IFT81: variants seen among roughly 807,000 people sequenced by gnomAD.
The protein encoded by IFT81 is intraflagellar transport 81.
Under a neutral mutation model 102.6 loss-of-function variants are expected in IFT81, and 72 were observed. That is an observed-to-expected ratio of 0.70 (90% CI 0.58 to 0.85). The LOEUF (loss-of-function observed/expected upper bound fraction) is 0.85. Among genes scored for constraint, IFT81 ranks in the 40% least tolerant of loss-of-function variants. The probability of loss-of-function intolerance (pLI) is 0.00; values close to 1 mark genes in which losing one functional copy is unlikely to be tolerated. For synonymous variants in IFT81, 237 were observed against 242.7 expected, an observed-to-expected ratio of 0.98 and a Z score of 0.22; for missense variants, 723 against 787.3, an observed-to-expected ratio of 0.92 and a Z score of 0.98.
rs113399140 is a variant in IFT81 at position 110,188,768 on chromosome 12, C to CAA, written c.1339-2138_1339-2137dup. Among the ~76,000 whole-genome samples, 15 of 123,160 alleles carry CAA rather than the reference C, an allele frequency of 1.2e-4. 1 individual carries two copies. The highest frequency in any genetic ancestry group is 3.4e-4 in the Admixed American group (4 of 11,910). 80.8% of individuals were successfully genotyped at this position (123,160 alleles called of 152,430 possible). A position where few individuals can be genotyped will look rare whatever the true frequency, so the allele number is the denominator to read the frequency against. ...TGAAACCCTATCTCTACTAAAAATA[C>CAA]AAAAAAAAAAAAAAATTAGGCATAG... On this transcript the variant is annotated intron_variant, in intron 12 of 18. Transcript: ENST00000242591.
chr12:110,143,774 G>A (rs1895036735), intron 9 of IFT81, among the ~76,000 whole-genome samples: 1 of 152,110 alleles, frequency 6.6e-6, no homozygotes. Context: ...AGCAAATGAA[G>A]TAACTTAAAT....
intron 8 of IFT81, among the ~76,000 whole-genome samples, chr12:110,139,466 G>C (rs989404023): frequency 1.3e-5 from 2 of 151,790 alleles, no homozygotes; most frequent in Admixed American, 1.3e-4. Flanking sequence ...CTTGAGCCCA[G>C]GAGTTTGAGA....
intron 11 of IFT81, among the ~76,000 whole-genome samples, chr12:110,163,481 T>C (rs1896258632): frequency 6.6e-6 from 1 of 152,198 alleles, no homozygotes; most frequent in African/African-American, 2.4e-5. Flanking sequence ...CCTTGGGTGA[T>C]CTGCCTGCCT....
chr12:110,149,039 G>A (rs1006227550), intron 10 of IFT81, among the ~76,000 whole-genome samples: 1 of 152,114 alleles, frequency 6.6e-6, no homozygotes, highest in Non-Finnish European at 1.5e-5. Flanking sequence ...TGCTCAAATT[G>A]TCCCAGTTTT....
chr12:110,196,405 A>G (rs1162400433), intron 14 of IFT81, among the ~76,000 whole-genome samples: 1 of 152,228 alleles, frequency 6.6e-6, no homozygotes, highest in Non-Finnish European at 1.5e-5. Context: ...CTGTAGTCCC[A>G]GCTACTCGGG....
chr12:110,203,253 G>A (rs1898391122), intron 14 of IFT81: 1 of 153,254 alleles, frequency 6.5e-6, no homozygotes, highest in African/African-American at 2.4e-5. Context: ...GCAGTAGAGT[G>A]AGACTCCGTC....
intron 4 of IFT81, among the ~76,000 whole-genome samples, chr12:110,129,461 GT>G (rs1894039548): frequency 6.6e-6 from 1 of 152,066 alleles, no homozygotes; most frequent in Admixed American, 6.6e-5. Flanking sequence ...TGACTACATA[GT>G]TTTTTATCCA....
At chr12:110,132,305 C>G (rs1012427795) in intron 4 of IFT81, among the ~76,000 whole-genome samples, 5 of 151,742 alleles carry the variant, frequency 3.3e-5, no homozygotes, top group African/African-American at 4.8e-5. Context: ...ACTAAAAATA[C>G]AAAAATTAGC....
At chr12:110,204,248 G>A (rs1429236050) in intron 15 of IFT81, 1 of 280,920 alleles carries the variant, frequency 3.6e-6, no homozygotes, top group Admixed American at 4.9e-5. Context: ...TCTTTAATTT[G>A]TACACACTTA....
At chr12:110,131,790 TAGTC>T (rs970031635) in intron 4 of IFT81, among the ~76,000 whole-genome samples, 5 of 152,292 alleles carry the variant, frequency 3.3e-5, no homozygotes, top group African/African-American at 9.6e-5. Context: ...AAAATTATAA[TAGTC>T]AGTTATAATT....
intron 13 of IFT81, among the ~76,000 whole-genome samples, chr12:110,191,551 G>GT (rs377652416): frequency 6.6e-6 from 1 of 151,594 alleles, no homozygotes; most frequent in Non-Finnish European, 1.5e-5. Context: ...TGCATTTTCT[G>GT]TTTTTTTAAT....
chr12:110,149,544 C>T (rs967062315), intron 10 of IFT81, among the ~76,000 whole-genome samples: 1 of 152,168 alleles, frequency 6.6e-6, no homozygotes, highest in African/African-American at 2.4e-5. Context: ...TCTTGGTGTA[C>T]CGGAAGAACG....
At chr12:110,209,783 A>T (rs1034917954) in intron 18 of IFT81, among the ~76,000 whole-genome samples, 3 of 152,098 alleles carry the variant, frequency 2.0e-5, no homozygotes, top group African/African-American at 7.2e-5. Context: ...AAAAAAAAAA[A>T]AAAAATTATT....
At chr12:110,186,567 G>A (rs1897539761) in intron 12 of IFT81, among the ~76,000 whole-genome samples, 1 of 151,912 alleles carries the variant, frequency 6.6e-6, no homozygotes, top group African/African-American at 2.4e-5. Context: ...AGGCTGGAGT[G>A]CAGTGGTGTG....
chr12:110,175,708 A>G lies in IFT81; in HGVS notation c.1189-4714A>G, dbSNP rs138962491. Among the ~76,000 whole-genome samples, 906 of 152,256 alleles carry G rather than the reference A, an allele frequency of 6.0e-3. 19 individuals carry two copies. Among genetic ancestry groups the G allele is most frequent in the Admixed American group, 0.049 (743 of 15,286 alleles). On this transcript the variant is annotated intron_variant, in intron 11 of 18. Coordinates refer to ENST00000242591, the MANE Select transcript of IFT81 (RefSeq NM_014055.4). ...TTTCCAGACCATTGCTCTAAATTAT[A>G]TATCTCCCTCTCTACTTCCTCCACA...
chr12:110,166,284 G>T (rs1896431474), intron 11 of IFT81, among the ~76,000 whole-genome samples: 1 of 152,144 alleles, frequency 6.6e-6, no homozygotes, highest in South Asian at 2.1e-4. Flanking sequence ...TTCCCAGACT[G>T]GGAGCAATTT....
At chr12:110,189,896 T>G (rs960241999) in intron 12 of IFT81, among the ~76,000 whole-genome samples, 1 of 152,204 alleles carries the variant, frequency 6.6e-6, no homozygotes, top group Admixed American at 6.5e-5. Flanking sequence ...TCGCATTATC[T>G]TGTTTGATCT....
At position 110,128,162 on chromosome 12, in the gene IFT81, T is replaced by C; in HGVS notation, c.248+13T>C. On this transcript the variant is annotated intron_variant, in intron 3 of 18. Transcript: ENST00000242591. ...ATGCCACAGATATGTAAGAATCTGA[T>C]CACGTATTGAGTTTTTAAAATTATG... 1 of 1,513,566 alleles carries C rather than the reference T, an allele frequency of 6.6e-7. No individual in the cohort carries two copies. Among genetic ancestry groups the C allele is most frequent in the East Asian group, 2.3e-5 (1 of 44,408 alleles). The allele number at this position is 1,513,566 out of a possible 1,614,324, so 93.8% of individuals were successfully genotyped here. A position where few individuals can be genotyped will look rare whatever the true frequency, so the allele number is the denominator to read the frequency against.
intron 12 of IFT81, among the ~76,000 whole-genome samples, chr12:110,181,028 C>G (rs1240999643): frequency 6.6e-6 from 1 of 152,136 alleles, no homozygotes; most frequent in East Asian, 1.9e-4. Flanking sequence ...AAAGTTAAAC[C>G]CAAAGTAGTC....
Sources: allele counts gnomAD v4.1 joint callset (sites outside exome capture counted in the v4.1 genomes callset), GRCh38; gene constraint gnomAD v4.1.1; transcripts MANE v1.5; gene names NCBI Gene and HGNC (gene_info 2026-07-23, HGNC 2026-07-21).